ZNF385D: variants seen among roughly 807,000 people sequenced by gnomAD.
The protein encoded by ZNF385D is zinc finger protein 659.
In ZNF385D, 15 loss-of-function variants were observed where a neutral mutation model predicts 35.8. The ratio of observed to expected loss-of-function variants is 0.42; its 90% CI spans 0.28 to 0.64. The LOEUF is 0.64. Among genes scored for constraint, ZNF385D ranks in the 30% least tolerant of loss-of-function variants. ZNF385D has a pLI of 0.23. For missense variants in ZNF385D, 474 were observed against 494.6 expected (o/e 0.96, Z 0.39); for synonymous variants, 212 against 186.8 (o/e 1.13, Z -1.10).
intron 3 of ZNF385D, among the ~76,000 whole-genome samples, chr3:21,827,705 G>T (rs1274443090): frequency 6.6e-6 from 1 of 152,146 alleles, no homozygotes; most frequent in East Asian, 1.9e-4. Flanking sequence ...GAACGTGGAA[G>T]GAAAAGGCAT....
At position 21,724,053 on chromosome 3, in the gene ZNF385D, C is replaced by T. The variant is rs144698203; in HGVS notation, c.22+26842G>A. On this transcript the variant is annotated intron_variant, in intron 1 of 7. Transcript: ENST00000281523. ...GAATTTCATATCCAGCCAAACTAAG[C>T]TTCATAAGCAAAGGAGAAATAAAAT... is the stretch of plus-strand genomic sequence containing the variant. Among the ~76,000 whole-genome samples the T allele has an allele frequency of 1.2e-4, 18 of 152,150 alleles. No individual in the cohort carries two copies. In the East Asian group the frequency reaches 3.1e-3, roughly 26 times the overall value.
At chr3:22,062,204 T>C (rs1022323111) in intron 3 of ZNF385D, among the ~76,000 whole-genome samples, 5 of 151,942 alleles carry the variant, frequency 3.3e-5, no homozygotes, top group Non-Finnish European at 7.4e-5. Context: ...AGTGCCACCA[T>C]GCCTAATTTA....
At chr3:21,627,903 T>G (rs1039918388) in intron 2 of ZNF385D, among the ~76,000 whole-genome samples, 2 of 152,104 alleles carry the variant, frequency 1.3e-5, no homozygotes, top group African/African-American at 4.8e-5. Context: ...ACAAATATAA[T>G]CTTATCTAGA....
chr3:21,493,390 C>T (rs1484669637), intron 4 of ZNF385D, among the ~76,000 whole-genome samples: 2 of 151,766 alleles, frequency 1.3e-5, no homozygotes, highest in African/African-American at 4.8e-5. Flanking sequence ...TTGGATGAGG[C>T]TAAAATGTAA....
At chr3:22,193,880 C>T (rs1359993665) in intron 2 of ZNF385D, among the ~76,000 whole-genome samples, 1 of 151,908 alleles carries the variant, frequency 6.6e-6, no homozygotes, top group Non-Finnish European at 1.5e-5. Context: ...ATTATAACCG[C>T]TTTTAGAATA....
chr3:22,062,028 T>C (rs751687061), intron 3 of ZNF385D, among the ~76,000 whole-genome samples: 9 of 152,154 alleles, frequency 5.9e-5, no homozygotes, highest in African/African-American at 1.9e-4. Flanking sequence ...GAAATGCTTA[T>C]TGTTGCATTT....
At chr3:21,533,334 T>C (rs1317759886) in intron 3 of ZNF385D, among the ~76,000 whole-genome samples, 1 of 152,130 alleles carries the variant, frequency 6.6e-6, no homozygotes, top group Admixed American at 6.6e-5. Flanking sequence ...TTGCTTCACA[T>C]TTGGAAAATG....
rs1370346305 is a variant in ZNF385D at position 21,415,843 on chromosome 3, C to G, written c.*5371G>C. The G allele has an allele frequency of 6.6e-6, 1 of 152,024 alleles. No homozygotes were observed. The highest frequency in any genetic ancestry group is 1.5e-5 in the Non-Finnish European group (1 of 67,992). 9.4% of individuals were successfully genotyped at this position (152,024 alleles called of 1,614,324 possible). The stretch of plus-strand genomic sequence containing the variant: ...ACTTCGTTTGACAAATACATTTTAG[C>G]AGTTTCTACAGTCAACTTAGCCACC... On this transcript the variant is annotated 3_prime_UTR_variant, in exon 8 of 8. Transcript: ENST00000281523.
At chr3:21,949,507 G>A (rs17010418) in intron 3 of ZNF385D, among the ~76,000 whole-genome samples, 37,873 of 147,504 alleles carry the variant, frequency 0.26, 5,556 homozygotes, top group Admixed American at 0.41. Context: ...TTCTGAGTTC[G>A]GCCTTCATCT....
chr3:21,900,543 T>A (rs1699350468), intron 3 of ZNF385D, among the ~76,000 whole-genome samples: 1 of 152,144 alleles, frequency 6.6e-6, no homozygotes, highest in Admixed American at 6.6e-5. Context: ...CATACTTTAT[T>A]AGTGTTCATT....
At chr3:21,864,709 A>G (rs982001846) in intron 3 of ZNF385D, among the ~76,000 whole-genome samples, 1 of 152,134 alleles carries the variant, frequency 6.6e-6, no homozygotes, top group Non-Finnish European at 1.5e-5. Flanking sequence ...TTGCCTGAAG[A>G]TAACTACAAA....
At chr3:21,686,605 T>C (rs898520990) in intron 1 of ZNF385D, among the ~76,000 whole-genome samples, 6 of 152,212 alleles carry the variant, frequency 3.9e-5, no homozygotes, top group Admixed American at 3.3e-4. Context: ...TTACACTCTT[T>C]TTCATGTACA....
At chr3:22,012,366 T>TTAGGTAAGATACA (rs1408135950) in intron 3 of ZNF385D, among the ~76,000 whole-genome samples, 1 of 152,158 alleles carries the variant, frequency 6.6e-6, no homozygotes, top group Non-Finnish European at 1.5e-5. Flanking sequence ...ACATGCTAAC[T>TTAGGTAAGATACA]ATATACCACA....
At chr3:22,062,121 T>C (rs1393662755) in intron 3 of ZNF385D, among the ~76,000 whole-genome samples, 1 of 152,186 alleles carries the variant, frequency 6.6e-6, no homozygotes, top group Admixed American at 6.5e-5. Flanking sequence ...CCCTGCAGCC[T>C]CGACCTCCTA....
chr3:22,140,570 T>C (rs1704445413), intron 3 of ZNF385D, among the ~76,000 whole-genome samples: 1 of 152,204 alleles, frequency 6.6e-6, no homozygotes, highest in Admixed American at 6.5e-5. Context: ...AATAAATTTG[T>C]AGTTTAATAG....
intron 3 of ZNF385D, among the ~76,000 whole-genome samples, chr3:22,149,926 C>T (rs1246812379): frequency 6.6e-6 from 1 of 152,104 alleles, no homozygotes; most frequent in East Asian, 1.9e-4. Flanking sequence ...ATCTCATAAG[C>T]TCTCAGAACT....
At chr3:22,003,848 C>G (rs576856676) in intron 3 of ZNF385D, among the ~76,000 whole-genome samples, 30 of 146,956 alleles carry the variant, frequency 2.0e-4, no homozygotes, top group African/African-American at 7.6e-4. Context: ...GCCTGGGCAA[C>G]AAAGCAAGAC....
chr3:22,162,677 G>C (rs996659681), intron 3 of ZNF385D, among the ~76,000 whole-genome samples: 1 of 152,096 alleles, frequency 6.6e-6, no homozygotes, highest in Non-Finnish European at 1.5e-5. Context: ...TCAGGATAAG[G>C]TATAAACTTC....
chr3:22,038,627 A>C (rs921750854), intron 3 of ZNF385D, among the ~76,000 whole-genome samples: 2 of 152,150 alleles, frequency 1.3e-5, no homozygotes, highest in African/African-American at 4.8e-5. Context: ...CAGTTTAATC[A>C]AAAGTTTGAA....
Sources: gnomAD v4.1 joint callset for allele counts (sites outside exome capture counted in the v4.1 genomes callset) on GRCh38, gnomAD v4.1.1 for gene constraint, MANE v1.5 for transcripts, NCBI Gene and HGNC (gene_info 2026-07-23, HGNC 2026-07-21) for gene names.